Variants in CCDC192 observed in about 807,000 individuals in gnomAD.
CCDC192 encodes the protein coiled-coil domain-containing protein 192.
chr5:127,749,566 A>G (rs1411737633), intron 2 of CCDC192, among the ~76,000 whole-genome samples: 2 of 151,886 alleles, frequency 1.3e-5, no homozygotes, highest in Admixed American at 6.6e-5. Flanking sequence ...ATATTGTTCT[A>G]AAATTCTCTT....
intron 2 of CCDC192, among the ~76,000 whole-genome samples, chr5:127,724,755 A>G (rs1280888996): frequency 1.3e-5 from 2 of 151,808 alleles, no homozygotes; most frequent in Non-Finnish European, 2.9e-5. Flanking sequence ...AGGCTGAGAC[A>G]GCAGAATCGC....
chr5:127,751,561 T>G (rs1178128245), intron 2 of CCDC192, among the ~76,000 whole-genome samples: 1 of 152,168 alleles, frequency 6.6e-6, no homozygotes, highest in Non-Finnish European at 1.5e-5. Context: ...TTTCCTTCAT[T>G]TCAACTTTGG....
intron 5 of CCDC192, among the ~76,000 whole-genome samples, chr5:127,818,818 G>A (rs539941172): frequency 6.6e-6 from 1 of 152,140 alleles, no homozygotes; most frequent in Non-Finnish European, 1.5e-5. Context: ...GGAAAGGACT[G>A]GTAAGGAAAA....
intron 2 of CCDC192, among the ~76,000 whole-genome samples, chr5:127,719,512 T>C (rs1751853225): frequency 8.5e-6 from 1 of 117,802 alleles, no homozygotes; most frequent in Non-Finnish European, 1.6e-5. Flanking sequence ...CATACATATA[T>C]ATATATATAT....
intron 5 of CCDC192, among the ~76,000 whole-genome samples, chr5:127,868,282 C>T (rs1327713454): frequency 6.6e-6 from 1 of 152,124 alleles, no homozygotes; most frequent in African/African-American, 2.4e-5. Context: ...GGCCAAGGAG[C>T]AGCATAATAT....
Position 127,706,720 on chromosome 5 carries a change from T to C in CCDC192, c.63-989T>C, listed in dbSNP as rs116695243. On this transcript the variant is annotated intron_variant, in intron 1 of 6. Transcript: ENST00000514853. ...AAAAATTTCCTGTCTTCAAGGAGTT[T>C]ACATTTTCAGTTGGGAGATGACACA... is the stretch of plus-strand genomic sequence containing the variant. 9.7e-3 allele frequency among the ~76,000 whole-genome samples: 1,483 copies of C among 152,260 alleles called. 23 individuals carry two copies. Among genetic ancestry groups the C allele is most frequent in the African/African-American group, 0.033 (1,383 of 41,550 alleles).
chr5:127,832,818 A>G (rs1749863102), intron 5 of CCDC192, among the ~76,000 whole-genome samples: 1 of 152,146 alleles, frequency 6.6e-6, no homozygotes, highest in South Asian at 2.1e-4. Flanking sequence ...AATTCCCTGG[A>G]GCATGGGCAT....
At chr5:127,776,966 C>A (rs1247938025) in intron 3 of CCDC192, among the ~76,000 whole-genome samples, 1 of 152,238 alleles carries the variant, frequency 6.6e-6, no homozygotes, top group African/African-American at 2.4e-5. Context: ...TCATGGAGAA[C>A]CTCTGCTAGG....
intron 6 of CCDC192, among the ~76,000 whole-genome samples, chr5:127,878,501 T>C (rs1363015356): frequency 6.6e-6 from 1 of 152,086 alleles, no homozygotes; most frequent in Non-Finnish European, 1.5e-5. Flanking sequence ...GCAAAACCAA[T>C]ATCTCCTAGC....
At chr5:127,818,247 A>T (rs554330104) in intron 5 of CCDC192, among the ~76,000 whole-genome samples, 1 of 152,316 alleles carries the variant, frequency 6.6e-6, no homozygotes, top group African/African-American at 2.4e-5. Flanking sequence ...ATATAAATCC[A>T]TTAATTTAGC....
intron 2 of CCDC192, among the ~76,000 whole-genome samples, chr5:127,718,586 T>G (rs4835929): frequency 0.058 from 8,835 of 152,236 alleles, 574 homozygotes; most frequent in East Asian, 0.27. Flanking sequence ...AAAAGGGAGA[T>G]AAATATACAT....
Position 127,756,560 on chromosome 5 carries a change from C to A in CCDC192, c.222+2185C>A, listed in dbSNP as rs565048120. ...TCAGCTGATCCATCGAGTGCAGGATCTGCAAAATATCTGAAGCACTGATCT... is the reference window on the plus strand; with the variant it reads ...TCAGCTGATCCATCGAGTGCAGGATATGCAAAATATCTGAAGCACTGATCT... On this transcript the variant is annotated intron_variant, in intron 3 of 6. Transcript: ENST00000514853. 1.1e-4 allele frequency among the ~76,000 whole-genome samples: 16 copies of A among 152,330 alleles called. No individual in the cohort carries two copies. In the South Asian group the frequency reaches 1.5e-3, roughly 14 times the overall value.
At chr5:127,914,255 C>T (rs1352938405) in intron 6 of CCDC192, among the ~76,000 whole-genome samples, 1 of 152,136 alleles carries the variant, frequency 6.6e-6, no homozygotes, top group African/African-American at 2.4e-5. Context: ...TGCAGAGCTA[C>T]ATATGAAAAT....
intron 5 of CCDC192, among the ~76,000 whole-genome samples, chr5:127,815,473 A>G (rs1748965176): frequency 6.6e-6 from 1 of 152,136 alleles, no homozygotes; most frequent in Admixed American, 6.5e-5. Flanking sequence ...TGATTTCTAT[A>G]AATTCACAGA....
chr5:127,755,579 GTT>G (rs1445118228), intron 3 of CCDC192, among the ~76,000 whole-genome samples: 1 of 128,302 alleles, frequency 7.8e-6, no homozygotes, highest in Non-Finnish European at 1.7e-5. Flanking sequence ...GCCAACTGTT[GTT>G]TTTTTTTTTT....
At position 127,816,280 on chromosome 5, in the gene CCDC192, T is replaced by C. The variant is rs185839242; in HGVS notation, c.411+18118T>C. 1.5e-3 allele frequency among the ~76,000 whole-genome samples: 228 copies of C among 152,294 alleles called. 1 individual carries two copies. The highest frequency in any genetic ancestry group is 5.2e-3 in the African/African-American group (217 of 41,574). On this transcript the variant is annotated intron_variant, in intron 5 of 6. Transcript: ENST00000514853. ...AAGCTTTTTAGAGGGAATTTGCTCATTGAACCATGAAAAGGGGGGATTTTC... is the reference window on the plus strand; with the variant it reads ...AAGCTTTTTAGAGGGAATTTGCTCACTGAACCATGAAAAGGGGGGATTTTC...
At chr5:127,921,555 A>G (rs190507686) in intron 6 of CCDC192, among the ~76,000 whole-genome samples, 30 of 152,386 alleles carry the variant, frequency 2.0e-4, no homozygotes, top group Admixed American at 1.8e-3. Context: ...AAAATAGTCT[A>G]GAATAAATGC....
At chr5:127,789,138 T>C (rs74607376) in intron 3 of CCDC192, among the ~76,000 whole-genome samples, 2,542 of 152,350 alleles carry the variant, frequency 0.017, 34 homozygotes, top group African/African-American at 0.039. Flanking sequence ...ATATTTGTTA[T>C]AGAAGTCTGA....
intron 5 of CCDC192, among the ~76,000 whole-genome samples, chr5:127,834,724 A>C (rs1043733522): frequency 3.3e-5 from 5 of 152,192 alleles, no homozygotes; most frequent in Non-Finnish European, 7.3e-5. Context: ...ACCTTCCCCA[A>C]GGGTCAGCTG....
Sources: gnomAD v4.1 joint callset for allele counts (sites outside exome capture counted in the v4.1 genomes callset) on GRCh38, gnomAD v4.1.1 for gene constraint, MANE v1.5 for transcripts, NCBI Gene and HGNC (gene_info 2026-07-23, HGNC 2026-07-21) for gene names.